MIPOL1: variants seen among roughly 807,000 people sequenced by gnomAD.
The protein encoded by MIPOL1 is mirror-image polydactyly gene 1 protein.
In MIPOL1, 57 loss-of-function variants were observed where a neutral mutation model predicts 60.9. The observed-to-expected ratio is 0.94, with a 90% confidence interval of 0.76 to 1.17. The LOEUF is 1.17. Among genes scored for constraint, MIPOL1 ranks in the 50% most tolerant of loss-of-function variants. MIPOL1 has a pLI of 0.00. For synonymous variants in MIPOL1, 179 were observed against 168.8 expected, an observed-to-expected ratio of 1.06 and a Z score of -0.47; for missense variants, 551 against 511.6, an observed-to-expected ratio of 1.08 and a Z score of -0.74.
chr14:37,317,413 C>T (rs2088031719), intron 9 of MIPOL1, among the ~76,000 whole-genome samples: 1 of 152,122 alleles, frequency 6.6e-6, no homozygotes, highest in South Asian at 2.1e-4. Flanking sequence ...TGTGTGATTT[C>T]CTTTAGCAGT....
chr14:37,341,291 C>T (rs1417207689), intron 9 of MIPOL1, among the ~76,000 whole-genome samples: 1 of 152,168 alleles, frequency 6.6e-6, no homozygotes, highest in African/African-American at 2.4e-5. Flanking sequence ...GAAAACATAT[C>T]TGTAAAATGT....
intron 10 of MIPOL1, among the ~76,000 whole-genome samples, chr14:37,397,382 A>C: frequency 1.9e-5 from 1 of 51,368 alleles, no homozygotes; most frequent in East Asian, 6.2e-4. Context: ...AGGTGGTGGG[A>C]GTGGGGAGGG....
At chr14:37,505,058 A>G (rs2153617297) in intron 12 of MIPOL1, 1 of 152,340 alleles carries the variant, frequency 6.6e-6, no homozygotes, top group Middle Eastern at 3.4e-3. Context: ...CCCAGGAGGA[A>G]GTTGATCCTC....
At chr14:37,530,308 C>G (rs1163889503) in intron 12 of MIPOL1, among the ~76,000 whole-genome samples, 37 of 151,974 alleles carry the variant, frequency 2.4e-4, no homozygotes, top group Non-Finnish European at 1.5e-5. Context: ...TTTTGTGTAA[C>G]CCTAACTTAT....
intron 9 of MIPOL1, among the ~76,000 whole-genome samples, chr14:37,349,188 A>G (rs984477691): frequency 6.6e-6 from 1 of 151,800 alleles, no homozygotes; most frequent in African/African-American, 2.4e-5. Flanking sequence ...GGGTTTTGCC[A>G]TGTTGGCTAG....
At chr14:37,248,858 G>A (rs1973619151) in intron 3 of MIPOL1, among the ~76,000 whole-genome samples, 1 of 152,018 alleles carries the variant, frequency 6.6e-6, no homozygotes, top group East Asian at 1.9e-4. Context: ...AGACTCACAG[G>A]TATGCACGTG....
chr14:37,313,545 G>A (rs889991175), intron 9 of MIPOL1, among the ~76,000 whole-genome samples: 1 of 152,130 alleles, frequency 6.6e-6, no homozygotes, highest in Admixed American at 6.6e-5. Context: ...TCAGGTATGA[G>A]AATGGGGGTA....
intron 6 of MIPOL1, among the ~76,000 whole-genome samples, chr14:37,274,998 T>TTTG (rs1229250265): frequency 1.3e-5 from 2 of 151,334 alleles, no homozygotes; most frequent in African/African-American, 4.8e-5. Context: ...GTTTATTTCT[T>TTTG]TTGTTAAAAT....
chr14:37,403,586 A>ATT (rs1425292478), intron 10 of MIPOL1, among the ~76,000 whole-genome samples: 1 of 151,732 alleles, frequency 6.6e-6, no homozygotes, highest in African/African-American at 2.4e-5. Flanking sequence ...TCTGGCTAAT[A>ATT]TTTTTTATAT....
chr14:37,270,296 TTATC>T (rs1472029762), intron 5 of MIPOL1, 120 bp from the exon 6 acceptor site: 14 of 433,688 alleles, frequency 3.2e-5, no homozygotes, highest in South Asian at 1.1e-4. Context: ...TTTTCTGGAG[TTATC>T]TATCTAGGAA....
At chr14:37,211,003 G>A (rs969459157) in intron 1 of MIPOL1, among the ~76,000 whole-genome samples, 34 of 152,158 alleles carry the variant, frequency 2.2e-4, no homozygotes, top group African/African-American at 6.3e-4. Flanking sequence ...GGCCTACACC[G>A]AGGAAAGGTG....
At chr14:37,385,873 A>G (rs886211889) in intron 10 of MIPOL1, 2 of 152,086 alleles carry the variant, frequency 1.3e-5, no homozygotes, top group African/African-American at 4.8e-5. Flanking sequence ...ACAAAAGAAA[A>G]TTGCATGAAC....
At chr14:37,461,954 A>T (rs550562148) in intron 11 of MIPOL1, among the ~76,000 whole-genome samples, 185 of 152,264 alleles carry the variant, frequency 1.2e-3, no homozygotes, top group African/African-American at 3.9e-3. Context: ...TAGATCTACC[A>T]TTCTGGGGTC....
chr14:37,305,287 T>C (rs1336150558), intron 7 of MIPOL1, among the ~76,000 whole-genome samples: 1 of 151,884 alleles, frequency 6.6e-6, no homozygotes, highest in Non-Finnish European at 1.5e-5. Context: ...ATATTCCAAA[T>C]TGGCACTTAA....
At chr14:37,453,187 A>G (rs999965243) in intron 11 of MIPOL1, among the ~76,000 whole-genome samples, 7 of 152,262 alleles carry the variant, frequency 4.6e-5, no homozygotes, top group African/African-American at 9.6e-5. Context: ...ATAGGCCGTT[A>G]TATTGTTAGC....
intron 9 of MIPOL1, among the ~76,000 whole-genome samples, chr14:37,309,535 CT>C (rs999304479): frequency 7.2e-5 from 11 of 152,040 alleles, no homozygotes; most frequent in African/African-American, 2.7e-4. Flanking sequence ...AATTTCTCTA[CT>C]TTAGTCATTG....
rs915909274 is a variant in MIPOL1 at position 37,357,375 on chromosome 14, G to T, written c.829-12142G>T. Among the ~76,000 whole-genome samples, 8 of 150,630 alleles carry T rather than the reference G, an allele frequency of 5.3e-5. No individual in the cohort carries two copies. In the South Asian group the frequency reaches 1.7e-3, roughly 32 times the overall value. On this transcript the variant is annotated intron_variant, in intron 9 of 12. Transcript: ENST00000684589. Reference sequence around the variant, plus strand: ...GCTTGTGGGATATTGCTCAAGAAATGTTCACCCTTTTCACCCTTTTTCCAC... The same window carrying T: ...GCTTGTGGGATATTGCTCAAGAAATTTTCACCCTTTTCACCCTTTTTCCAC...
chr14:37,550,288 ATATGTAC>A lies in MIPOL1; in HGVS notation c.*3321_*3327del, dbSNP rs1245190950. 2 of 151,216 alleles carry A rather than the reference ATATGTAC, an allele frequency of 1.3e-5. No individual in the cohort carries two copies. The highest frequency in any genetic ancestry group is 4.8e-5 in the African/African-American group (2 of 41,356). The allele number at this position is 151,216 out of a possible 1,614,324, so 9.4% of individuals were successfully genotyped here. ...ATATAGTTTCGTAGAAAAACATTTT[ATATGTAC>A]TATTCTTAAAGATCACAATTATTTT... On this transcript the variant is annotated 3_prime_UTR_variant, in exon 13 of 13. Coordinates refer to ENST00000684589, the MANE Select transcript of MIPOL1 (RefSeq NM_001388067.1).
chr14:37,469,157 C>T (rs761462755), intron 11 of MIPOL1, among the ~76,000 whole-genome samples: 23 of 152,140 alleles, frequency 1.5e-4, no homozygotes, highest in Non-Finnish European at 2.8e-4. Context: ...ATACCTGAGA[C>T]TGGGTAATTT....
Sources: allele counts gnomAD v4.1 joint callset (sites outside exome capture counted in the v4.1 genomes callset), GRCh38; gene constraint gnomAD v4.1.1; transcripts MANE v1.5; gene names NCBI Gene and HGNC (gene_info 2026-07-23, HGNC 2026-07-21).